Variants in NCKAP5 observed in about 807,000 individuals in gnomAD.
The protein encoded by NCKAP5 is NCK associated protein 5.
A neutral mutation model predicts 167.0 loss-of-function variants in NCKAP5; 92 were observed. That is an observed-to-expected ratio of 0.55 (90% CI 0.47 to 0.66). The LOEUF (loss-of-function observed/expected upper bound fraction) is 0.66, where lower values mean the gene tolerates loss of function less well. Ranked by LOEUF, NCKAP5 falls within the 30% of genes least tolerant of loss-of-function variation. The pLI, the probability that NCKAP5 is intolerant of heterozygous loss-of-function variation, is 0.00. For missense variants in NCKAP5, 2,378 were observed against 2,315.0 expected, an observed-to-expected ratio of 1.03 and a Z score of -0.56; for synonymous variants, 891 against 877.4, an observed-to-expected ratio of 1.02 and a Z score of -0.27.
At chr2:133,026,098 T>C (rs1305044231) in intron 6 of NCKAP5, among the ~76,000 whole-genome samples, 2 of 152,190 alleles carry the variant, frequency 1.3e-5, no homozygotes, top group African/African-American at 4.8e-5. Context: ...TAATGATCAG[T>C]GATGTTAAGC....
the NCKAP5 span, among the ~76,000 whole-genome samples, chr2:133,622,529 T>G: frequency 1.3e-5 from 2 of 151,770 alleles, no homozygotes; most frequent in East Asian, 3.9e-4. Context: ...CTCAACCCCT[T>G]TCACCATAGC....
rs186554111 is a variant in NCKAP5 at position 133,057,428 on chromosome 2, C to T, written c.342-63189G>A. The stretch of plus-strand genomic sequence containing the variant: ...CCAAGTTGTGAATGCAAAGGAAAAA[C>T]ACTTGAAGGAAATTAGAAGTACTAC... On this transcript the variant is annotated intron_variant, in intron 6 of 19. Coordinates refer to ENST00000409261, the MANE Select transcript of NCKAP5 (RefSeq NM_207363.3). Among the ~76,000 whole-genome samples, 325 of 152,316 alleles carry T rather than the reference C, an allele frequency of 2.1e-3. 1 individual carries two copies. The highest frequency in any genetic ancestry group is 3.5e-3 in the Admixed American group (53 of 15,300).
chr2:133,124,156 GAGA>G (rs2082332327), intron 6 of NCKAP5, among the ~76,000 whole-genome samples: 1 of 152,220 alleles, frequency 6.6e-6, no homozygotes, highest in African/African-American at 2.4e-5. Context: ...GGTGCCAGGG[GAGA>G]AGGTCAGAAC....
chr2:133,643,664 A>T, the NCKAP5 span, among the ~76,000 whole-genome samples: 2 of 152,106 alleles, frequency 1.3e-5, no homozygotes, highest in African/African-American at 4.8e-5. Flanking sequence ...ATTTAACTCC[A>T]CTATCACATT....
At chr2:133,055,917 A>T (rs982544271) in intron 6 of NCKAP5, among the ~76,000 whole-genome samples, 2 of 152,168 alleles carry the variant, frequency 1.3e-5, no homozygotes, top group Non-Finnish European at 2.9e-5. Context: ...TTTTATCATG[A>T]GCTTTAATTA....
intron 14 of NCKAP5, 78 bp downstream of exon 14, chr2:132,781,862 T>C: frequency 7.2e-7 from 1 of 1,394,278 alleles, no homozygotes; most frequent in Non-Finnish European, 9.7e-7. Context: ...TGGCCTTTAA[T>C]GCACAGGAAG....
chr2:132,900,600 G>A (rs886131807), intron 8 of NCKAP5, among the ~76,000 whole-genome samples: 12 of 152,054 alleles, frequency 7.9e-5, no homozygotes, highest in African/African-American at 2.9e-4. Context: ...AGAATTAGAA[G>A]GGTTTGAGGT....
intron 11 of NCKAP5, among the ~76,000 whole-genome samples, chr2:132,802,766 C>A (rs1341034549): frequency 6.6e-6 from 1 of 152,114 alleles, no homozygotes; most frequent in Non-Finnish European, 1.5e-5. Flanking sequence ...CAGCTTGGAG[C>A]CTGATGAAAA....
chr2:133,622,399 C>A, the NCKAP5 span, among the ~76,000 whole-genome samples: 2 of 152,030 alleles, frequency 1.3e-5, no homozygotes, highest in Non-Finnish European at 2.9e-5. Context: ...AAGCCTCACC[C>A]AAAAAGCTTC....
At chr2:133,615,024 C>G in the NCKAP5 span, among the ~76,000 whole-genome samples, 1 of 151,592 alleles carries the variant, frequency 6.6e-6, no homozygotes. Context: ...AATTTTCAAC[C>G]CAGAATTTCA....
intron 11 of NCKAP5, among the ~76,000 whole-genome samples, chr2:132,843,600 T>A (rs1028048647): frequency 4.0e-5 from 6 of 151,888 alleles, no homozygotes; most frequent in African/African-American, 7.2e-5. Context: ...TCTTTTTTTT[T>A]AATAAAAAAA....
intron 6 of NCKAP5, among the ~76,000 whole-genome samples, chr2:133,129,015 T>C: frequency 6.7e-6 from 1 of 150,296 alleles, no homozygotes; most frequent in African/African-American, 2.4e-5. Flanking sequence ...GTTTATTGAA[T>C]CATTAGAGTC....
At chr2:133,074,472 C>T (rs888189948) in intron 6 of NCKAP5, among the ~76,000 whole-genome samples, 6 of 152,094 alleles carry the variant, frequency 3.9e-5, no homozygotes, top group African/African-American at 1.4e-4. Context: ...ATGATCCTCC[C>T]ACCTCAGCCT....
intron 8 of NCKAP5, among the ~76,000 whole-genome samples, chr2:132,940,716 T>C (rs1000641264): frequency 6.6e-6 from 1 of 152,054 alleles, no homozygotes; most frequent in African/African-American, 2.4e-5. Context: ...AAAACTTATT[T>C]ATTCTTTTTC....
chr2:133,642,661 T>G, the NCKAP5 span, among the ~76,000 whole-genome samples: 1 of 152,194 alleles, frequency 6.6e-6, no homozygotes, highest in Non-Finnish European at 1.5e-5. Flanking sequence ...ACCAACATGC[T>G]CATAGCATTT....
chr2:133,332,569 T>C (rs929671852), intron 3 of NCKAP5, among the ~76,000 whole-genome samples: 2 of 152,222 alleles, frequency 1.3e-5, no homozygotes, highest in African/African-American at 4.8e-5. Context: ...TCAATATATA[T>C]AATTATTGGT....
chr2:132,788,420 G>A (rs1422533029), intron 13 of NCKAP5, among the ~76,000 whole-genome samples: 1 of 152,130 alleles, frequency 6.6e-6, no homozygotes, highest in Non-Finnish European at 1.5e-5. Context: ...GATTCAACAA[G>A]GCCAGTATAA....
intron 3 of NCKAP5, among the ~76,000 whole-genome samples, chr2:133,372,482 C>A (rs1427883240): frequency 1.3e-5 from 2 of 152,184 alleles, no homozygotes; most frequent in African/African-American, 2.4e-5. Context: ...CAAGTCCATT[C>A]CAAATCCCAT....
chr2:132,913,569 T>A (rs552568074), intron 8 of NCKAP5, among the ~76,000 whole-genome samples: 40 of 152,320 alleles, frequency 2.6e-4, no homozygotes, highest in African/African-American at 9.1e-4. Flanking sequence ...TTTGTACTTA[T>A]AAATCAATTT....
Sources: gnomAD v4.1 joint callset for allele counts (sites outside exome capture counted in the v4.1 genomes callset) on GRCh38, gnomAD v4.1.1 for gene constraint, MANE v1.5 for transcripts, NCBI Gene and HGNC (gene_info 2026-07-23, HGNC 2026-07-21) for gene names.